The following ATP1A1 variants were observed in gnomAD, a reference collection of about 807,000 sequenced individuals.
The protein encoded by ATP1A1 is sodium/potassium-transporting ATPase subunit alpha-1.
A neutral mutation model predicts 114.8 loss-of-function variants in ATP1A1; 14 were observed. The ratio of observed to expected loss-of-function variants is 0.12; its 90% CI spans 0.08 to 0.19. The LOEUF (loss-of-function observed/expected upper bound fraction) is 0.19, where lower values mean the gene tolerates loss of function less well. Ranked by LOEUF, ATP1A1 falls within the 10% of genes least tolerant of loss-of-function variation. The pLI, the probability that ATP1A1 is intolerant of heterozygous loss-of-function variation, is 1.00. For missense variants in ATP1A1, 524 were observed against 1,290.7 expected, an observed-to-expected ratio of 0.41 and a Z score of 9.10; for synonymous variants, 471 against 466.3, an observed-to-expected ratio of 1.01 and a Z score of -0.13.
chr1:116,378,922 C>T (rs1410249987), intron 1 of ATP1A1, among the ~76,000 whole-genome samples: 1 of 152,176 alleles, frequency 6.6e-6, no homozygotes, highest in Non-Finnish European at 1.5e-5. Context: ...AAGTTTTAAC[C>T]CTTCATAACC....
intron 13 of ATP1A1, among the ~76,000 whole-genome samples, chr1:116,396,276 C>CTTTTTT (rs367825500): frequency 9.7e-5 from 10 of 102,616 alleles, no homozygotes; most frequent in African/African-American, 2.4e-4. Context: ...GATTTTTATC[C>CTTTTTT]TTTTTTTTTT....
In ATP1A1 at chr1:116,390,204, A is replaced by G. The variant is rs753125498; in HGVS notation, c.1024-9A>G. 9 of 1,613,532 alleles carry G rather than the reference A, an allele frequency of 5.6e-6. No homozygotes were observed. The highest frequency in any genetic ancestry group is 7.6e-6 in the Non-Finnish European group (9 of 1,179,626). On this transcript the variant is annotated splice_polypyrimidine_tract_variant and intron_variant, in intron 8 of 22. Coordinates refer to ENST00000295598, the MANE Select transcript of ATP1A1 (RefSeq NM_000701.8). The stretch of plus-strand genomic sequence containing the variant: ...TGAGTGAAGTAATAATCTTCCTAAT[A>G]TTTTTTAGGTCTGTCTGACACTTAC...
chr1:116,377,855 T>C (rs747076603), intron 1 of ATP1A1, among the ~76,000 whole-genome samples: 1 of 152,238 alleles, frequency 6.6e-6, no homozygotes, highest in Non-Finnish European at 1.5e-5. Context: ...TGTCCAATTC[T>C]AGATTACACT....
At chr1:116,390,178 T>A in intron 8 of ATP1A1, 35 bp from the exon 9 acceptor site, 2 of 1,594,072 alleles carry the variant, frequency 1.3e-6, no homozygotes, top group Non-Finnish European at 1.7e-6. Flanking sequence ...TCCAGCCTGG[T>A]TGAGTGAAGT....
intron 9 of ATP1A1, among the ~76,000 whole-genome samples, 173 bp from the exon 10 acceptor site, chr1:116,390,609 T>A (rs1006451441): frequency 6.7e-6 from 1 of 150,210 alleles, no homozygotes; most frequent in Non-Finnish European, 1.5e-5. Context: ...CAGTAGAAAC[T>A]TTAAATTGCC....
At position 116,399,608 on chromosome 1, in the gene ATP1A1, C is replaced by CAGGTTG; in HGVS notation, c.2572+73_2572+78dup. 3.1e-6 allele frequency: 5 copies of CAGGTTG among 1,599,096 alleles called. No homozygotes were observed. Among genetic ancestry groups the CAGGTTG allele is most frequent in the Non-Finnish European group, 4.3e-6 (5 of 1,171,908 alleles). On this transcript the variant is annotated intron_variant, in intron 18 of 22. Coordinates refer to ENST00000295598, the MANE Select transcript of ATP1A1 (RefSeq NM_000701.8). The surrounding 1 kb of genome is among the most constrained non-coding windows in gnomAD (Gnocchi z 5.0). ...GCATCTGAGGTGATGGTGTCCACCTCAGGTTGAGGTTGATTTCAGAGACTG... is the reference window on the plus strand; with the variant it reads ...GCATCTGAGGTGATGGTGTCCACCTCAGGTTGAGGTTGAGGTTGATTTCAGAGACTG...
In ATP1A1 at chr1:116,393,402, C is replaced by A; in HGVS notation, c.1468-129C>A. 3.0e-6 allele frequency: 3 copies of A among 990,494 alleles called. No homozygotes were observed. The highest frequency in any genetic ancestry group is 2.6e-5 in the East Asian group (1 of 38,672). The allele number at this position is 990,494 out of a possible 1,614,324, so 61.4% of individuals were successfully genotyped here. ...AGTATGTTACAGGTGTAAGATACTT[C>A]AGAGTTCAGAAAGAAGGGATCTTGG... is the stretch of plus-strand genomic sequence containing the variant. On this transcript the variant is annotated intron_variant, in intron 11 of 22. Coordinates refer to ENST00000295598, the MANE Select transcript of ATP1A1 (RefSeq NM_000701.8). This position sits in a 1 kb window ranked among gnomAD's most constrained non-coding sequence, Gnocchi z 5.0.
chr1:116,386,285 C>CTA (rs1213079657), intron 3 of ATP1A1: 1 of 152,192 alleles, frequency 6.6e-6, no homozygotes, highest in Admixed American at 6.5e-5. Flanking sequence ...CAGGCAGTCT[C>CTA]TAGCCACTTC....
In ATP1A1 at chr1:116,404,714, G is replaced by A; in HGVS notation, c.*270G>A. 8.0e-7 allele frequency: 1 copy of A among 1,257,598 alleles called. No homozygotes were observed. The highest frequency in any genetic ancestry group is 1.0e-6 in the Non-Finnish European group (1 of 1,004,612). 77.9% of individuals were successfully genotyped at this position (1,257,598 alleles called of 1,614,324 possible). On this transcript the variant is annotated 3_prime_UTR_variant, in exon 23 of 23. Transcript: ENST00000295598. This position sits in a 1 kb window ranked among gnomAD's most constrained non-coding sequence, Gnocchi z 4.8. ...TTTGTAAAAAAGGAACACCCGGAAA[G>A]ACTGAAAGAATACATTTTATATCTG...
chr1:116,396,553 A>G (rs755228605), intron 13 of ATP1A1, 45 bp from the exon 14 acceptor site: 5 of 1,608,990 alleles, frequency 3.1e-6, no homozygotes, highest in Middle Eastern at 3.3e-4. Flanking sequence ...CTTTAAGGTC[A>G]TTTACTTGGC....
chr1:116,374,033 G>T, intron 1 of ATP1A1: 3 of 1,405,898 alleles, frequency 2.1e-6, no homozygotes, highest in Non-Finnish European at 2.8e-6. Context: ...CTCCTCCCGG[G>T]CCTCCGTTCC....
In ATP1A1 at chr1:116,401,563, C is replaced by A. The variant is rs1653483525; in HGVS notation, c.2859C>A (p.Ile953=). The change falls in exon 21 of 23, where the codon ATC becomes ATA. Residue 953 remains isoleucine, a synonymous_variant. Coordinates refer to ENST00000295598, the MANE Select transcript of ATP1A1 (RefSeq NM_000701.8). This position sits in a 1 kb window ranked among gnomAD's most constrained non-coding sequence, Gnocchi z 4.7. ...SVFQQGMKNK[I]LIFGLFEETA... The stretch of plus-strand genomic sequence containing the variant: ...CCTACTTTGATTTTAGGAACAAGAT[C>A]TTGATATTTGGCCTCTTTGAAGAGA... The A allele has an allele frequency of 2.5e-6, 4 of 1,614,120 alleles. No homozygotes were observed. The highest frequency in any genetic ancestry group is 3.4e-6 in the Non-Finnish European group (4 of 1,180,016).
Position 116,390,778 on chromosome 1 carries a change from T to C in ATP1A1, c.1223-4T>C. The C allele has an allele frequency of 6.2e-7, 1 of 1,613,282 alleles. No homozygotes were observed. The highest frequency in any genetic ancestry group is 8.5e-7 in the Non-Finnish European group (1 of 1,179,252). On this transcript the variant is annotated splice_region_variant and splice_polypyrimidine_tract_variant and intron_variant, in intron 9 of 22. Coordinates refer to ENST00000295598, the MANE Select transcript of ATP1A1 (RefSeq NM_000701.8). ...GTTCTGTTGTGTTTTCTTGCCTCCATCAGGTGTCTCTTTTGACAAGACTTC... is the reference window on the plus strand; with the variant it reads ...GTTCTGTTGTGTTTTCTTGCCTCCACCAGGTGTCTCTTTTGACAAGACTTC...
At position 116,390,976 on chromosome 1, in the gene ATP1A1, G is replaced by A. The variant is rs993449538; in HGVS notation, c.1332+85G>A. ...GTGTTAAAAGTAGCAAATTACCTTT[G>A]TGGTCTGTGTGACTGTTCACTGTAG... is the stretch of plus-strand genomic sequence containing the variant. On this transcript the variant is annotated intron_variant, in intron 10 of 22. Transcript: ENST00000295598. 160 of 1,174,806 alleles carry A rather than the reference G, an allele frequency of 1.4e-4. No individual in the cohort carries two copies. In the East Asian group the frequency reaches 3.7e-3, roughly 27 times the overall value. The allele number at this position is 1,174,806 out of a possible 1,614,324, so 72.8% of individuals were successfully genotyped here. A position where few individuals can be genotyped will look rare whatever the true frequency, so the allele number is the denominator to read the frequency against.
rs1652267712 is a variant in ATP1A1, at chr1:116,388,881, T to G, written c.637-21T>G. 3 of 1,613,696 alleles carry G rather than the reference T, an allele frequency of 1.9e-6. No homozygotes were observed. The highest frequency in any genetic ancestry group is 2.5e-6 in the Non-Finnish European group (3 of 1,179,804). The stretch of plus-strand genomic sequence containing the variant: ...GGCTGGTGTATTCACATGACATTTT[T>G]CTTCTTTTCCTCACATATAGGTGGA... On this transcript the variant is annotated intron_variant, in intron 6 of 22. Coordinates refer to ENST00000295598, the MANE Select transcript of ATP1A1 (RefSeq NM_000701.8). This position sits in a 1 kb window ranked among gnomAD's most constrained non-coding sequence, Gnocchi z 5.6.
intron 1 of ATP1A1, 25 bp downstream of exon 1, chr1:116,373,548 G>C: frequency 6.9e-7 from 1 of 1,439,394 alleles, no homozygotes; most frequent in Non-Finnish European, 9.1e-7. Flanking sequence ...CGCCCGGGGA[G>C]GGGGCTCGGG....
rs775189876 is a variant in ATP1A1 at position 116,397,848 on chromosome 1, G to C, written c.1974-40G>C. On this transcript the variant is annotated intron_variant, in intron 14 of 22. Coordinates refer to ENST00000295598, the MANE Select transcript of ATP1A1 (RefSeq NM_000701.8). The surrounding 1 kb of genome is among the most constrained non-coding windows in gnomAD (Gnocchi z 4.2). Reference sequence around the variant, plus strand: ...GAGGTGATGGACACATGCTGGTGATGTGATGCGTGACTTTTTTTTTTTTTT... The same window carrying C: ...GAGGTGATGGACACATGCTGGTGATCTGATGCGTGACTTTTTTTTTTTTTT... The C allele has an allele frequency of 8.2e-6, 13 of 1,592,582 alleles. No homozygotes were observed. Among genetic ancestry groups the C allele is most frequent in the Middle Eastern group, 1.7e-4 (1 of 5,990 alleles).
At position 116,404,272 on chromosome 1, in the gene ATP1A1, G is replaced by C; in HGVS notation, c.3044-144G>C. 1 of 1,000,482 alleles carries C rather than the reference G, an allele frequency of 1.0e-6. No homozygotes were observed. The highest frequency in any genetic ancestry group is 1.5e-6 in the Non-Finnish European group (1 of 652,796). 62.0% of individuals were successfully genotyped at this position (1,000,482 alleles called of 1,614,324 possible). A position where few individuals can be genotyped will look rare whatever the true frequency, so the allele number is the denominator to read the frequency against. On this transcript the variant is annotated intron_variant, in intron 22 of 22. Coordinates refer to ENST00000295598, the MANE Select transcript of ATP1A1 (RefSeq NM_000701.8). This position sits in a 1 kb window ranked among gnomAD's most constrained non-coding sequence, Gnocchi z 4.8. ...GGTATTCCTAAAAACATGTAAATAA[G>C]TACAGTTGAGGTCCCATGTTTGGAT...
chr1:116,397,816 C>A lies in ATP1A1; in HGVS notation c.1974-72C>A, dbSNP rs1653059681. 1 of 1,514,290 alleles carries A rather than the reference C, an allele frequency of 6.6e-7. No individual in the cohort carries two copies. Among genetic ancestry groups the A allele is most frequent in the Non-Finnish European group, 8.9e-7 (1 of 1,122,282 alleles). 93.8% of individuals were successfully genotyped at this position (1,514,290 alleles called of 1,614,324 possible). ...ACAAAGTGATCTGCATAAGAATATCCCCTCTTGAGGTGATGGACACATGCT... is the reference window on the plus strand; with the variant it reads ...ACAAAGTGATCTGCATAAGAATATCACCTCTTGAGGTGATGGACACATGCT... On this transcript the variant is annotated intron_variant, in intron 14 of 22. Transcript: ENST00000295598. This position sits in a 1 kb window ranked among gnomAD's most constrained non-coding sequence, Gnocchi z 4.2.
Sources: gnomAD v4.1 joint callset for allele counts (sites outside exome capture counted in the v4.1 genomes callset) on GRCh38, gnomAD v4.1.1 for gene constraint, Gnocchi (gnomAD v3.1) non-coding constraint, MANE v1.5 for transcripts, NCBI Gene and HGNC (gene_info 2026-07-23, HGNC 2026-07-21) for gene names.